BPNT2: variants seen among roughly 807,000 people sequenced by gnomAD.
The protein encoded by BPNT2 is Golgi-resident adenosine 3',5'-bisphosphate 3'-phosphatase.
In BPNT2, 11 loss-of-function variants were observed where a neutral mutation model predicts 29.3. That is an observed-to-expected ratio of 0.38 (90% CI 0.24 to 0.62). The LOEUF (loss-of-function observed/expected upper bound fraction) is 0.62, where lower values mean the gene tolerates loss of function less well. Ranked by LOEUF, BPNT2 falls within the 20% of genes least tolerant of loss-of-function variation. The pLI, the probability that BPNT2 is intolerant of heterozygous loss-of-function variation, is 0.62. For missense variants in BPNT2, 459 were observed against 473.4 expected (o/e 0.97, Z 0.28); for synonymous variants, 195 against 187.7 (o/e 1.04, Z -0.32).
chr8:56,993,210 G>C lies in BPNT2; in HGVS notation c.376C>G (p.Pro126Ala). 6.2e-7 allele frequency: 1 copy of C among 1,600,896 alleles called. No homozygotes were observed. Reference protein sequence around the residue: ...KMFYLLKTAFPSVQINTEEHV... With the variant: ...KMFYLLKTAFASVQINTEEHV... ...CCGTGGGCTCCCACCTGGACGCTGGGGAAGGCGGTCTTGAGCAGGTAGAAC... is the reference window on the plus strand; with the variant it reads ...CCGTGGGCTCCCACCTGGACGCTGGCGAAGGCGGTCTTGAGCAGGTAGAAC... Residue 126 changes from proline to alanine, a missense_variant, in exon 1 of 5, where the codon CCC (proline) becomes GCC (alanine). Coordinates refer to ENST00000262644, the MANE Select transcript of BPNT2 (RefSeq NM_017813.5).
rs1201369966 is a variant in BPNT2 at position 56,969,008 on chromosome 8, AAGATAGGCAG to A, written c.647-2666_647-2657del. ...GAGACAGAAAGGAGACTGTCATGTGAAGATAGGCAGAGACTGGCTGGAGTGATGCATCTAC... is the reference window on the plus strand; with the variant it reads ...GAGACAGAAAGGAGACTGTCATGTGAAGACTGGCTGGAGTGATGCATCTAC... On this transcript the variant is annotated intron_variant, in intron 3 of 4. Transcript: ENST00000262644. 4.6e-5 allele frequency among the ~76,000 whole-genome samples: 7 copies of A among 152,304 alleles called. No homozygotes were observed. The East Asian group carries it at 1.2e-3, about 25-fold the overall frequency.
intron 1 of BPNT2, among the ~76,000 whole-genome samples, chr8:56,987,822 A>G (rs542444579): frequency 3.3e-5 from 5 of 149,536 alleles, no homozygotes; most frequent in Admixed American, 2.7e-4. Flanking sequence ...TCCACCTCCC[A>G]AGTTCAAGCC....
rs1335774576 is a variant in BPNT2, at chr8:56,962,891, G to GT, written c.*901dup. ...ATGTAATGTCAAGTAACTTTCAATT[G>GT]TAATAGAATCATTTATATTCTTATA... On this transcript the variant is annotated 3_prime_UTR_variant, in exon 5 of 5. Transcript: ENST00000262644. 1 of 152,138 alleles carries GT rather than the reference G, an allele frequency of 6.6e-6. No individual in the cohort carries two copies. Among genetic ancestry groups the GT allele is most frequent in the Non-Finnish European group, 1.5e-5 (1 of 68,026 alleles). The allele number at this position is 152,138 out of a possible 1,614,324, so 9.4% of individuals were successfully genotyped here.
chr8:56,983,012 T>C (rs377206316), intron 1 of BPNT2, among the ~76,000 whole-genome samples: 2 of 152,190 alleles, frequency 1.3e-5, no homozygotes, highest in Non-Finnish European at 2.9e-5. Context: ...ATTCCATTAA[T>C]GTAAAATGTC....
rs1480185148 is a variant in BPNT2 at position 56,959,543 on chromosome 8, T to C, written c.*4250A>G. ...TTATTGATATGCTACCATAAATAAATAGTCACTTTTTAAACCAAAATGACT... is the reference window on the plus strand; with the variant it reads ...TTATTGATATGCTACCATAAATAAACAGTCACTTTTTAAACCAAAATGACT... On this transcript the variant is annotated 3_prime_UTR_variant, in exon 5 of 5. Coordinates refer to ENST00000262644, the MANE Select transcript of BPNT2 (RefSeq NM_017813.5). 6.6e-6 allele frequency: 1 copy of C among 152,222 alleles called. No individual in the cohort carries two copies. The highest frequency in any genetic ancestry group is 1.9e-4 in the East Asian group (1 of 5,204). 9.4% of individuals were successfully genotyped at this position (152,222 alleles called of 1,614,324 possible). A position where few individuals can be genotyped will look rare whatever the true frequency, so the allele number is the denominator to read the frequency against.
intron 3 of BPNT2, among the ~76,000 whole-genome samples, chr8:56,967,570 C>A (rs1805972203): frequency 6.6e-6 from 1 of 152,046 alleles, no homozygotes; most frequent in South Asian, 2.1e-4. Flanking sequence ...GATTTCTCCC[C>A]AGAAGGAAGA....
chr8:56,992,891 A>G (rs1251491259), intron 1 of BPNT2, among the ~76,000 whole-genome samples: 1 of 152,072 alleles, frequency 6.6e-6, no homozygotes, highest in Non-Finnish European at 1.5e-5. Flanking sequence ...TTAATTCTAC[A>G]GAGGAGCCTG....
At chr8:56,986,912 T>C (rs560577783) in intron 1 of BPNT2, among the ~76,000 whole-genome samples, 1 of 152,342 alleles carries the variant, frequency 6.6e-6, no homozygotes, top group South Asian at 2.1e-4. Context: ...GAACCAGCTA[T>C]ACAAAGGTTC....
intron 4 of BPNT2, 85 bp downstream of exon 4, chr8:56,966,106 G>T: frequency 2.1e-6 from 3 of 1,446,638 alleles, no homozygotes; most frequent in Non-Finnish European, 2.9e-6. Context: ...TTCCTCCCAA[G>T]CATGGACAAG....
At chr8:56,988,150 A>C (rs554264404) in intron 1 of BPNT2, among the ~76,000 whole-genome samples, 10 of 152,336 alleles carry the variant, frequency 6.6e-5, no homozygotes, top group African/African-American at 2.4e-4. Flanking sequence ...TAAACAATTA[A>C]ACATGCTGTA....
In BPNT2 at chr8:56,979,404, T is replaced by C. The variant is rs16921490; in HGVS notation, c.550+631A>G. Among the ~76,000 whole-genome samples, 1,210 of 152,310 alleles carry C rather than the reference T, an allele frequency of 7.9e-3. 9 individuals carry two copies. Among genetic ancestry groups the C allele is most frequent in the African/African-American group, 0.026 (1,090 of 41,564 alleles). ...TTCTCGATATTCCATATTTCTATTATCTACTCCTGAAAAGTTCTGTGCTGT... is the reference window on the plus strand; with the variant it reads ...TTCTCGATATTCCATATTTCTATTACCTACTCCTGAAAAGTTCTGTGCTGT... On this transcript the variant is annotated intron_variant, in intron 2 of 4. Transcript: ENST00000262644.
Position 56,966,039 on chromosome 8 carries a change from C to T in BPNT2, c.808+152G>A, listed in dbSNP as rs193032205. On this transcript the variant is annotated intron_variant, in intron 4 of 4. Coordinates refer to ENST00000262644, the MANE Select transcript of BPNT2 (RefSeq NM_017813.5). The stretch of plus-strand genomic sequence containing the variant: ...GGCAGAGTGACTAAAATCCCACCCT[C>T]GAGGTTACCAAACAGGAGACCAAGC... The T allele has an allele frequency of 5.8e-4, 461 of 789,322 alleles. 3 individuals carry two copies. The highest frequency in any genetic ancestry group is 1.2e-4 in the Non-Finnish European group (56 of 465,342). The allele number at this position is 789,322 out of a possible 1,614,324, so 48.9% of individuals were successfully genotyped here. A position where few individuals can be genotyped will look rare whatever the true frequency, so the allele number is the denominator to read the frequency against.
intron 4 of BPNT2, 79 bp from the exon 5 acceptor site, chr8:56,964,143 G>GCTATTTTAACAGGATAC: frequency 1.9e-6 from 2 of 1,039,498 alleles, no homozygotes; most frequent in Non-Finnish European, 2.9e-6. Context: ...TAAGTATCCT[G>GCTATTTTAACAGGATAC]TTAAAATAGC....
rs1563402804 is a variant in BPNT2, at chr8:56,961,245, G to A, written c.*2548C>T. ...ATTAAAAGCAAAAGGTAATGACTTT[G>A]CTACTTTTTAGAAATAATTTTAATG... is the stretch of plus-strand genomic sequence containing the variant. On this transcript the variant is annotated 3_prime_UTR_variant, in exon 5 of 5. Coordinates refer to ENST00000262644, the MANE Select transcript of BPNT2 (RefSeq NM_017813.5). 1 of 152,152 alleles carries A rather than the reference G, an allele frequency of 6.6e-6. No individual in the cohort carries two copies. Among genetic ancestry groups the A allele is most frequent in the Non-Finnish European group, 1.5e-5 (1 of 68,032 alleles). The allele number at this position is 152,152 out of a possible 1,614,324, so 9.4% of individuals were successfully genotyped here.
chr8:56,969,629 AAT>A (rs1806000735), intron 3 of BPNT2, among the ~76,000 whole-genome samples: 2 of 152,344 alleles, frequency 1.3e-5, no homozygotes, highest in South Asian at 2.1e-4. Context: ...TCAAGGATGA[AAT>A]ATGCTAATTT....
chr8:56,983,756 G>C (rs904895034), intron 1 of BPNT2, among the ~76,000 whole-genome samples: 4 of 151,880 alleles, frequency 2.6e-5, no homozygotes, highest in Admixed American at 1.3e-4. Flanking sequence ...TGTTGTTGTT[G>C]GTTTTTTTTA....
At chr8:56,982,225 G>A (rs541751622) in intron 1 of BPNT2, among the ~76,000 whole-genome samples, 99 of 151,612 alleles carry the variant, frequency 6.5e-4, no homozygotes, top group African/African-American at 2.3e-3. Context: ...CCGGGTTCGA[G>A]TGATTCTCCT....
At chr8:56,970,918 A>G (rs951379449) in intron 3 of BPNT2, among the ~76,000 whole-genome samples, 7 of 152,154 alleles carry the variant, frequency 4.6e-5, no homozygotes, top group Non-Finnish European at 1.0e-4. Flanking sequence ...AAAACAAAAA[A>G]TCCTCTTAAT....
chr8:56,971,785 C>A lies in BPNT2; in HGVS notation c.647-5433G>T, dbSNP rs1386910392. On this transcript the variant is annotated intron_variant, in intron 3 of 4. Coordinates refer to ENST00000262644, the MANE Select transcript of BPNT2 (RefSeq NM_017813.5). The stretch of plus-strand genomic sequence containing the variant: ...ATTACTGAAATAATTTTGTACCACC[C>A]CCCCCCCCACAATGCTACTGTGTGG... Among the ~76,000 whole-genome samples, 3 of 140,506 alleles carry A rather than the reference C, an allele frequency of 2.1e-5. 1 individual carries two copies. The highest frequency in any genetic ancestry group is 2.2e-4 in the East Asian group (1 of 4,644). 92.2% of individuals were successfully genotyped at this position (140,506 alleles called of 152,430 possible).
Sources: gnomAD v4.1 joint callset for allele counts (sites outside exome capture counted in the v4.1 genomes callset) on GRCh38, gnomAD v4.1.1 for gene constraint, MANE v1.5 for transcripts, NCBI Gene and HGNC (gene_info 2026-07-23, HGNC 2026-07-21) for gene names.